The following GRID2 variants were observed in gnomAD, a reference collection of about 807,000 sequenced individuals.
GRID2 encodes glutamate receptor ionotropic, delta-2.
A neutral mutation model predicts 114.8 loss-of-function variants in GRID2; 33 were observed. That is an observed-to-expected ratio of 0.29 (90% CI 0.22 to 0.38). The LOEUF is 0.38. GRID2 is among the 10% of genes least tolerant of loss of function. The pLI, the probability that GRID2 is intolerant of heterozygous loss-of-function variation, is 1.00. For synonymous variants in GRID2, 505 were observed against 449.9 expected (o/e 1.12, Z -1.55); for missense variants, 1,184 against 1,257.7 (o/e 0.94, Z 0.89).
At chr4:93,285,777 G>C (rs1389391204) in intron 8 of GRID2, among the ~76,000 whole-genome samples, 1 of 151,940 alleles carries the variant, frequency 6.6e-6, no homozygotes, top group Non-Finnish European at 1.5e-5. Flanking sequence ...TGATACAAAA[G>C]TCAAGAATTG....
At chr4:92,504,561 A>G (rs1723858265) in intron 1 of GRID2, among the ~76,000 whole-genome samples, 2 of 152,028 alleles carry the variant, frequency 1.3e-5, no homozygotes, top group Admixed American at 6.6e-5. Flanking sequence ...GTTAATAGGA[A>G]ATCTTTTTCT....
At chr4:92,798,689 T>C (rs1740006139) in intron 2 of GRID2, among the ~76,000 whole-genome samples, 1 of 152,046 alleles carries the variant, frequency 6.6e-6, no homozygotes, top group Admixed American at 6.6e-5. Context: ...AACTACTTTA[T>C]GCAGTGTTGC....
chr4:93,219,829 T>A (rs180958839), intron 6 of GRID2, among the ~76,000 whole-genome samples: 9 of 152,246 alleles, frequency 5.9e-5, no homozygotes, highest in Non-Finnish European at 1.3e-4. Flanking sequence ...TGCTCCTTTC[T>A]CCATCTAAGA....
chr4:92,594,708 A>G lies in GRID2; in HGVS notation c.244+4422A>G, dbSNP rs575652371. Among the ~76,000 whole-genome samples the G allele has an allele frequency of 2.6e-5, 4 of 152,100 alleles. No individual in the cohort carries two copies. The South Asian group carries it at 8.3e-4, about 32-fold the overall frequency. On this transcript the variant is annotated intron_variant, in intron 2 of 15. Coordinates refer to ENST00000282020, the MANE Select transcript of GRID2 (RefSeq NM_001510.4). ...TGATTCCCTTAACCTGAACCAAAGTAGCTGTTCATAGGTTACTCTTTTTAT... is the reference window on the plus strand; with the variant it reads ...TGATTCCCTTAACCTGAACCAAAGTGGCTGTTCATAGGTTACTCTTTTTAT...
At chr4:93,103,835 C>A (rs1731927498) in intron 3 of GRID2, among the ~76,000 whole-genome samples, 1 of 124,962 alleles carries the variant, frequency 8.0e-6, no homozygotes, top group Admixed American at 9.5e-5. Context: ...GAGAGAAAAT[C>A]CCTTGTTTTT....
At position 93,106,338 on chromosome 4, in the gene GRID2, T is replaced by C. The variant is rs192613418; in HGVS notation, c.530-4410T>C. On this transcript the variant is annotated intron_variant, in intron 3 of 15. Coordinates refer to ENST00000282020, the MANE Select transcript of GRID2 (RefSeq NM_001510.4). ...GTGTTCATTGAACAAAACCAAAGGCTTACTCTCTTTTATTTTTTATTTTTT... is the reference window on the plus strand; with the variant it reads ...GTGTTCATTGAACAAAACCAAAGGCCTACTCTCTTTTATTTTTTATTTTTT... 2.6e-5 allele frequency among the ~76,000 whole-genome samples: 4 copies of C among 152,266 alleles called. No individual in the cohort carries two copies. In the East Asian group the frequency reaches 7.7e-4, roughly 29 times the overall value.
At chr4:92,760,457 G>A (rs1170807863) in intron 2 of GRID2, among the ~76,000 whole-genome samples, 1 of 152,078 alleles carries the variant, frequency 6.6e-6, no homozygotes, top group Non-Finnish European at 1.5e-5. Flanking sequence ...GCCAGTGCTT[G>A]TGACATGGGA....
At chr4:92,595,232 C>A (rs192517590) in intron 2 of GRID2, among the ~76,000 whole-genome samples, 1 of 151,654 alleles carries the variant, frequency 6.6e-6, no homozygotes, top group Non-Finnish European at 1.5e-5. Flanking sequence ...TTATGTATTG[C>A]AAAACATTAT....
rs528766967 is a variant in GRID2 at position 93,808,111 on chromosome 4, T to A, written c.*1238T>A. The A allele has an allele frequency of 5.9e-5, 9 of 152,286 alleles. No homozygotes were observed. In the East Asian group the frequency reaches 1.7e-3, roughly 29 times the overall value. 9.4% of individuals were successfully genotyped at this position (152,286 alleles called of 1,614,324 possible). ...GATCCCATGGGTTCTTTTACTAATA[T>A]ATTATTTCTAAATAATCTGACTTTC... On this transcript the variant is annotated 3_prime_UTR_variant, in exon 2 of 2. Transcript: ENST00000637838.
chr4:92,564,448 G>T (rs1223587029), intron 1 of GRID2, among the ~76,000 whole-genome samples: 1 of 151,882 alleles, frequency 6.6e-6, no homozygotes, highest in Non-Finnish European at 1.5e-5. Flanking sequence ...ACTTAAACAA[G>T]TGCCAATAGA....
intron 2 of GRID2, among the ~76,000 whole-genome samples, chr4:92,667,550 A>G (rs920761578): frequency 3.3e-5 from 5 of 151,696 alleles, no homozygotes; most frequent in African/African-American, 1.2e-4. Context: ...ATAAATATCC[A>G]TAGCAACATA....
Position 93,402,252 on chromosome 4 carries a change from G to A in GRID2, c.1347+6544G>A, listed in dbSNP as rs568919177. On this transcript the variant is annotated intron_variant, in intron 9 of 15. Transcript: ENST00000282020. ...GTCAAAAGGTATGACTTTTAGTATCGTACTAGTTTTTCTGCTTAATTGATC... is the reference window on the plus strand; with the variant it reads ...GTCAAAAGGTATGACTTTTAGTATCATACTAGTTTTTCTGCTTAATTGATC... Among the ~76,000 whole-genome samples, 7 of 152,068 alleles carry A rather than the reference G, an allele frequency of 4.6e-5. No homozygotes were observed. The East Asian group carries it at 7.8e-4, about 17-fold the overall frequency.
In GRID2 at chr4:93,756,294, T is replaced by C. The variant is rs1338303290; in HGVS notation, c.2361-12916T>C. On this transcript the variant is annotated intron_variant, in intron 14 of 15. Transcript: ENST00000282020. ...GCTAAAAGGGAAAGTGGCCCCTAAG[T>C]GACACCCATCACTCTGCAATCATGA... Among the ~76,000 whole-genome samples the C allele has an allele frequency of 5.9e-5, 9 of 152,282 alleles. No individual in the cohort carries two copies. In the South Asian group the frequency reaches 1.4e-3, roughly 25 times the overall value.
chr4:92,459,972 C>T (rs1208894413), intron 1 of GRID2, among the ~76,000 whole-genome samples: 3 of 143,272 alleles, frequency 2.1e-5, no homozygotes, highest in Non-Finnish European at 4.5e-5. Flanking sequence ...CTGGCCTGCC[C>T]TGCACTCTGG....
chr4:92,685,871 C>A (rs1057489040), intron 2 of GRID2, among the ~76,000 whole-genome samples: 2 of 151,996 alleles, frequency 1.3e-5, no homozygotes, highest in African/African-American at 4.8e-5. Flanking sequence ...TCAAAACAGT[C>A]CAACCCCTTC....
intron 2 of GRID2, among the ~76,000 whole-genome samples, chr4:93,002,412 A>C (rs922462735): frequency 4.0e-5 from 6 of 151,702 alleles, no homozygotes; most frequent in Admixed American, 3.3e-4. Context: ...GTAGCCAAAA[A>C]AAACATAGTT....
intron 12 of GRID2, among the ~76,000 whole-genome samples, chr4:93,508,477 G>A (rs976396816): frequency 3.9e-5 from 6 of 152,086 alleles, no homozygotes; most frequent in African/African-American, 9.7e-5. Flanking sequence ...TTACAGGCAT[G>A]AGCCACCATG....
At chr4:92,892,735 C>T (rs1253854595) in intron 2 of GRID2, among the ~76,000 whole-genome samples, 3 of 152,158 alleles carry the variant, frequency 2.0e-5, no homozygotes, top group African/African-American at 4.8e-5. Flanking sequence ...CTTGGGAACA[C>T]ATAATTTTTA....
At chr4:93,121,543 G>A (rs1733781358) in intron 4 of GRID2, among the ~76,000 whole-genome samples, 1 of 152,134 alleles carries the variant, frequency 6.6e-6, no homozygotes, top group Non-Finnish European at 1.5e-5. Context: ...GAATAAGACA[G>A]AATTTATATA....
Sources: gnomAD v4.1 joint callset for allele counts (sites outside exome capture counted in the v4.1 genomes callset) on GRCh38, gnomAD v4.1.1 for gene constraint, MANE v1.5 for transcripts, NCBI Gene and HGNC (gene_info 2026-07-23, HGNC 2026-07-21) for gene names.